The following SIK3 variants were observed in gnomAD, a reference collection of about 807,000 sequenced individuals.
The protein encoded by SIK3 is SIK family kinase 3.
Under a neutral mutation model 144.2 loss-of-function variants are expected in SIK3, and 28 were observed. The observed-to-expected ratio is 0.19, with a 90% CI of 0.14 to 0.27. The LOEUF (loss-of-function observed/expected upper bound fraction) is 0.27, where lower values mean the gene tolerates loss of function less well. Ranked by LOEUF, SIK3 falls within the 10% of genes least tolerant of loss-of-function variation. The probability of loss-of-function intolerance (pLI) is 1.00; values close to 1 mark genes in which losing one functional copy is unlikely to be tolerated. For missense variants in SIK3, 1,319 were observed against 1,776.0 expected, an observed-to-expected ratio of 0.74 and a Z score of 4.62; for synonymous variants, 686 against 676.3, an observed-to-expected ratio of 1.01 and a Z score of -0.22.
chr11:116,948,191 G>GC (rs992858159), intron 3 of SIK3, among the ~76,000 whole-genome samples: 9 of 152,016 alleles, frequency 5.9e-5, no homozygotes, highest in Non-Finnish European at 8.8e-5. Flanking sequence ...ACTCACCTCA[G>GC]CCCCCCAAAG....
intron 1 of SIK3, among the ~76,000 whole-genome samples, chr11:117,005,967 G>A (rs935665708): frequency 6.6e-6 from 1 of 152,004 alleles, no homozygotes; most frequent in East Asian, 1.9e-4. Flanking sequence ...AATACAGGAA[G>A]GAAGAATCAT....
intron 1 of SIK3, among the ~76,000 whole-genome samples, chr11:117,034,563 A>G (rs1005267975): frequency 6.6e-6 from 1 of 152,218 alleles, no homozygotes; most frequent in Non-Finnish European, 1.5e-5. Context: ...TTAAGAAAAG[A>G]GTAACACCAA....
Position 116,849,367 on chromosome 11 carries a change from G to A in SIK3, c.3656-84C>T. 6.5e-7 allele frequency: 1 copy of A among 1,530,518 alleles called. No homozygotes were observed. The highest frequency in any genetic ancestry group is 1.1e-5 in the South Asian group (1 of 86,984). The allele number at this position is 1,530,518 out of a possible 1,614,324, so 94.8% of individuals were successfully genotyped here. A position where few individuals can be genotyped will look rare whatever the true frequency, so the allele number is the denominator to read the frequency against. Reference sequence around the variant, plus strand: ...TCCCATCCAAGAAATGTCTTGCAAGGGACAATGGGCAAGGCTGAGGAGATC... The same window carrying A: ...TCCCATCCAAGAAATGTCTTGCAAGAGACAATGGGCAAGGCTGAGGAGATC... On this transcript the variant is annotated intron_variant, in intron 21 of 24. Transcript: ENST00000445177. The surrounding 1 kb of genome is among the most constrained non-coding windows in gnomAD (Gnocchi z 4.2).
At chr11:117,065,052 G>C (rs1050089715) in intron 1 of SIK3, among the ~76,000 whole-genome samples, 1 of 152,046 alleles carries the variant, frequency 6.6e-6, no homozygotes, top group South Asian at 2.1e-4. Flanking sequence ...GGGAGGCTGA[G>C]GCAGAAGAAC....
intron 1 of SIK3, among the ~76,000 whole-genome samples, chr11:117,087,950 C>T (rs970594232): frequency 2.0e-5 from 3 of 152,104 alleles, no homozygotes; most frequent in Non-Finnish European, 4.4e-5. Context: ...CTGATGTTGG[C>T]CAGGCGTGAT....
intron 1 of SIK3, among the ~76,000 whole-genome samples, chr11:117,036,541 T>C (rs1030050819): frequency 8.6e-5 from 13 of 152,032 alleles, no homozygotes; most frequent in Admixed American, 1.3e-4. Flanking sequence ...AAGATCTACA[T>C]ATATGCTCTT....
chr11:116,889,305 C>T (rs1214605284), intron 6 of SIK3, among the ~76,000 whole-genome samples: 2 of 152,166 alleles, frequency 1.3e-5, no homozygotes, highest in African/African-American at 2.4e-5. Context: ...GGCTTCTGCC[C>T]ATAATCCCAG....
intron 1 of SIK3, among the ~76,000 whole-genome samples, chr11:117,030,719 G>A (rs1429205248): frequency 1.3e-5 from 2 of 152,106 alleles, no homozygotes; most frequent in East Asian, 3.8e-4. Flanking sequence ...TGCCCAGGCT[G>A]GTGTGCAGTG....
chr11:117,061,282 A>AT (rs1373825424), intron 1 of SIK3, among the ~76,000 whole-genome samples: 1 of 152,062 alleles, frequency 6.6e-6, no homozygotes, highest in Non-Finnish European at 1.5e-5. Flanking sequence ...TAAAAAAAAA[A>AT]TTTTAAGGTA....
At chr11:116,905,608 ACACTT>A (rs1243974937) in intron 4 of SIK3, among the ~76,000 whole-genome samples, 2 of 152,208 alleles carry the variant, frequency 1.3e-5, no homozygotes, top group Non-Finnish European at 2.9e-5. Context: ...ATCTTTGCCA[ACACTT>A]ATTGTCTTTA....
At chr11:117,071,617 AGTT>A (rs1349671416) in intron 1 of SIK3, among the ~76,000 whole-genome samples, 1 of 151,776 alleles carries the variant, frequency 6.6e-6, no homozygotes, top group Non-Finnish European at 1.5e-5. Flanking sequence ...AAATTCCAAG[AGTT>A]GTTGTTTTGT....
intron 1 of SIK3, among the ~76,000 whole-genome samples, chr11:116,970,776 A>T (rs908665160): frequency 4.6e-5 from 7 of 152,176 alleles, no homozygotes; most frequent in African/African-American, 1.7e-4. Context: ...CAGCCTCCTG[A>T]GTAGTCAGGA....
At chr11:117,075,366 T>G (rs1260802656) in intron 1 of SIK3, among the ~76,000 whole-genome samples, 1 of 152,124 alleles carries the variant, frequency 6.6e-6, no homozygotes, top group African/African-American at 2.4e-5. Flanking sequence ...ATCTGACAAC[T>G]CATTTCCTGG....
chr11:116,992,207 C>A (rs565596485), intron 1 of SIK3, among the ~76,000 whole-genome samples: 10 of 151,688 alleles, frequency 6.6e-5, no homozygotes, highest in Admixed American at 1.3e-4. Context: ...CGCCTATAAT[C>A]CCAGCTACTC....
At chr11:116,848,040 C>T (rs1290768632) in intron 22 of SIK3, among the ~76,000 whole-genome samples, 3 of 152,144 alleles carry the variant, frequency 2.0e-5, no homozygotes, top group Non-Finnish European at 2.9e-5. Flanking sequence ...CTGGGCTGGG[C>T]ACGGTGGCTC....
intron 1 of SIK3, among the ~76,000 whole-genome samples, chr11:116,975,159 CCTG>C (rs1949901574): frequency 1.3e-5 from 2 of 151,464 alleles, no homozygotes; most frequent in South Asian, 2.1e-4. Context: ...CAAGAATTTC[CCTG>C]CTTTCTTTGT....
In SIK3 at chr11:116,867,707, A is replaced by AT. The variant is rs1943721148; in HGVS notation, c.1952+238_1952+239insA. On this transcript the variant is annotated intron_variant, in intron 15 of 24. Coordinates refer to ENST00000445177, the MANE Select transcript of SIK3 (RefSeq NM_001366686.3). This position sits in a 1 kb window ranked among gnomAD's most constrained non-coding sequence, Gnocchi z 4.1. Reference sequence around the variant, plus strand: ...ATCTAGAATCATGGGAATCAAATGCAGACAATAAACAGGTCTGCAAGGTAA... The same window carrying AT: ...ATCTAGAATCATGGGAATCAAATGCATGACAATAAACAGGTCTGCAAGGTAA... 2.6e-5 allele frequency: 10 copies of AT among 378,590 alleles called. 2 individuals carry two copies. In the Admixed American group the frequency reaches 4.3e-4, roughly 16 times the overall value. 23.5% of individuals were successfully genotyped at this position (378,590 alleles called of 1,614,324 possible).
chr11:116,985,673 TA>T (rs1473454909), intron 1 of SIK3, among the ~76,000 whole-genome samples: 1 of 152,244 alleles, frequency 6.6e-6, no homozygotes, highest in Non-Finnish European at 1.5e-5. Flanking sequence ...TGTATGATAC[TA>T]AGAAAACTGG....
At chr11:116,914,468 G>A (rs192235089) in intron 4 of SIK3, among the ~76,000 whole-genome samples, 1 of 152,124 alleles carries the variant, frequency 6.6e-6, no homozygotes, top group African/African-American at 2.4e-5. Context: ...GTCCCAAAGT[G>A]CTGGGATTAC....
Sources: gnomAD v4.1 joint callset for allele counts (sites outside exome capture counted in the v4.1 genomes callset) on GRCh38, gnomAD v4.1.1 for gene constraint, Gnocchi (gnomAD v3.1) non-coding constraint, MANE v1.5 for transcripts, NCBI Gene and HGNC (gene_info 2026-07-23, HGNC 2026-07-21) for gene names.